TMIGD3: variants seen among roughly 807,000 people sequenced by gnomAD.
TMIGD3 encodes transmembrane and immunoglobulin domain containing 3.
TMIGD3 carries 21 observed loss-of-function variants against 28.1 expected under a neutral mutation model. That is an observed-to-expected ratio of 0.75 (90% CI 0.53 to 1.08). The LOEUF is 1.08. Ranked by LOEUF, TMIGD3 falls within the 50% of genes least tolerant of loss-of-function variation. The pLI is 0.00. For synonymous variants in TMIGD3, 151 were observed against 162.1 expected, an observed-to-expected ratio of 0.93 and a Z score of 0.52; for missense variants, 416 against 435.6, an observed-to-expected ratio of 0.96 and a Z score of 0.40.
At chr1:111,524,186 T>C (rs527863462) in intron 1 of TMIGD3, among the ~76,000 whole-genome samples, 21 of 151,824 alleles carry the variant, frequency 1.4e-4, no homozygotes, top group East Asian at 9.7e-4. Flanking sequence ...CCCGCCACTA[T>C]GCCTGGCTAA....
At chr1:111,518,653 G>A (rs1237598402) in intron 1 of TMIGD3, among the ~76,000 whole-genome samples, 2 of 152,322 alleles carry the variant, frequency 1.3e-5, no homozygotes, top group East Asian at 1.9e-4. Flanking sequence ...TCTGAACCAA[G>A]CTTTGCCTAA....
chr1:111,491,403 A>G lies in TMIGD3; in HGVS notation c.351-641T>C, dbSNP rs535844212. The stretch of plus-strand genomic sequence containing the variant: ...GCAGCAGCAGCTTCTCCTGATTCTA[A>G]TGGGACTCATGTGCTCTGACCACTG... On this transcript the variant is annotated intron_variant, in intron 1 of 5. Coordinates refer to ENST00000369716, the MANE Select transcript of TMIGD3 (RefSeq NM_020683.7). 4.6e-5 allele frequency among the ~76,000 whole-genome samples: 7 copies of G among 152,364 alleles called. No homozygotes were observed. In the South Asian group the frequency reaches 8.3e-4, roughly 18 times the overall value.
chr1:111,529,356 A>ATTTC (rs200146973), intron 1 of TMIGD3, among the ~76,000 whole-genome samples: 3 of 150,700 alleles, frequency 2.0e-5, no homozygotes, highest in Admixed American at 6.6e-5. Flanking sequence ...CATGGATACA[A>ATTTC]TTTCTTTCTT....
upstream of TMIGD3, among the ~76,000 whole-genome samples, chr1:111,507,514 C>T (rs902043266): frequency 6.6e-6 from 1 of 152,198 alleles, no homozygotes. Context: ...AGAGATGATT[C>T]ATCTGATCCT....
chr1:111,489,683 TC>T, intron 2 of TMIGD3: 1 of 1,078,622 alleles, frequency 9.3e-7, no homozygotes, highest in Non-Finnish European at 1.1e-6. Flanking sequence ...AGGCCCTCTG[TC>T]CCTAGCTCCC....
At chr1:111,497,657 AAGAGAG>A in intron 1 of TMIGD3, among the ~76,000 whole-genome samples, 1 of 152,162 alleles carries the variant, frequency 6.6e-6, no homozygotes, top group African/African-American at 2.4e-5. Flanking sequence ...AAAAGAAAAA[AAGAGAG>A]AGAGAGAGAC....
intron 1 of TMIGD3, chr1:111,500,891 C>T: frequency 2.3e-6 from 1 of 427,004 alleles, no homozygotes; most frequent in Non-Finnish European, 4.1e-6. Flanking sequence ...TTACTGAGAG[C>T]TATACAACTG....
intron 1 of TMIGD3, among the ~76,000 whole-genome samples, chr1:111,520,489 A>G (rs775920058): frequency 2.6e-5 from 4 of 152,260 alleles, no homozygotes; most frequent in African/African-American, 4.8e-5. Flanking sequence ...TTTTACTTTA[A>G]GGCTGTGTAA....
At chr1:111,555,492 C>T (rs2101040892) in intron 1 of TMIGD3, among the ~76,000 whole-genome samples, 1 of 150,410 alleles carries the variant, frequency 6.6e-6, no homozygotes, top group Non-Finnish European at 1.5e-5. Flanking sequence ...ATAGTAGACT[C>T]ACCCAGAAGA....
chr1:111,504,783 A>G (rs1655420758), upstream of TMIGD3: 33 of 849,328 alleles, frequency 3.9e-5, no homozygotes, highest in Non-Finnish European at 4.7e-5. Flanking sequence ...TTGTTAGTTG[A>G]TCTGCTCTGG....
chr1:111,539,278 G>C (rs1656739934), intron 1 of TMIGD3, among the ~76,000 whole-genome samples: 1 of 152,020 alleles, frequency 6.6e-6, no homozygotes, highest in South Asian at 2.1e-4. Context: ...TAGTCCCAGT[G>C]TCTGTTGTTC....
At chr1:111,502,818 A>G (rs1211036926) in intron 1 of TMIGD3, among the ~76,000 whole-genome samples, 187 bp downstream of exon 1, 5 of 151,986 alleles carry the variant, frequency 3.3e-5, no homozygotes, top group Non-Finnish European at 5.9e-5. Flanking sequence ...CTCTGATTCT[A>G]GCTCCTGAGT....
intron 1 of TMIGD3, among the ~76,000 whole-genome samples, chr1:111,533,900 T>C (rs1159636558): frequency 6.6e-6 from 1 of 152,182 alleles, no homozygotes; most frequent in African/African-American, 2.4e-5. Context: ...CCAGTATGCT[T>C]GAGTTTGAAT....
At chr1:111,489,787 T>C (rs1654569611) in intron 2 of TMIGD3, 2 of 997,280 alleles carry the variant, frequency 2.0e-6, no homozygotes, top group Non-Finnish European at 2.4e-6. Flanking sequence ...GTTCTGTCTT[T>C]AGGGGATAAG....
At chr1:111,493,927 CTTATTCCCATCA>C (rs1441964297) in intron 1 of TMIGD3, among the ~76,000 whole-genome samples, 2 of 152,196 alleles carry the variant, frequency 1.3e-5, no homozygotes, top group Non-Finnish European at 2.9e-5. Context: ...CCCAAGTGTT[CTTATTCCCATCA>C]TACTCAGCTA....
chr1:111,489,002 C>T lies in TMIGD3; in HGVS notation c.480G>A (p.Lys160=). 6.2e-7 allele frequency: 1 copy of T among 1,612,320 alleles called. No homozygotes were observed. The highest frequency in any genetic ancestry group is 8.5e-7 in the Non-Finnish European group (1 of 1,178,624). ...TGTCCAGCACAAAGCTTCTCTTGACCTTTTCATCCATGACCATGGCATCTG... is the reference window on the plus strand; with the variant it reads ...TGTCCAGCACAAAGCTTCTCTTGACTTTTTCATCCATGACCATGGCATCTG... ...LISDAMVMDE[K]VKRSFVLDTA... Residue 160 remains lysine, a synonymous_variant, in exon 3 of 6, where the codon AAG becomes AAA. Transcript: ENST00000369716.
chr1:111,487,273 C>G (rs1310015832), intron 3 of TMIGD3, among the ~76,000 whole-genome samples: 1 of 152,180 alleles, frequency 6.6e-6, no homozygotes, highest in Non-Finnish European at 1.5e-5. Context: ...AGCAGAACAA[C>G]ACAAAGTAGA....
chr1:111,557,468 G>A (rs1571465548), intron 1 of TMIGD3, among the ~76,000 whole-genome samples: 2 of 151,632 alleles, frequency 1.3e-5, no homozygotes, highest in Non-Finnish European at 2.9e-5. Flanking sequence ...GAGAATCGCT[G>A]GAACCCAGGA....
At chr1:111,499,975 G>A in intron 1 of TMIGD3, 6 of 1,614,116 alleles carry the variant, frequency 3.7e-6, no homozygotes, top group Non-Finnish European at 5.1e-6. Flanking sequence ...CTCAATGCTT[G>A]TGTCCAAAGA....
Sources: gnomAD v4.1 joint callset for allele counts (sites outside exome capture counted in the v4.1 genomes callset) on GRCh38, gnomAD v4.1.1 for gene constraint, MANE v1.5 for transcripts, NCBI Gene and HGNC (gene_info 2026-07-23, HGNC 2026-07-21) for gene names.